ADK: variants seen among roughly 807,000 people sequenced by gnomAD.
ADK encodes the protein N6,N6-dimethyladenosine kinase.
A neutral mutation model predicts 44.7 loss-of-function variants in ADK; 24 were observed. That is an observed-to-expected ratio of 0.54 (90% CI 0.39 to 0.76). The LOEUF (loss-of-function observed/expected upper bound fraction) is 0.76. ADK is among the 30% of genes least tolerant of loss of function. The probability of loss-of-function intolerance (pLI) is 0.00; values close to 1 mark genes in which losing one functional copy is unlikely to be tolerated. For synonymous variants in ADK, 128 were observed against 142.6 expected (o/e 0.90, Z 0.73); for missense variants, 321 against 425.1 (o/e 0.76, Z 2.15).
chr10:74,294,675 A>G (rs1839748758), intron 3 of ADK, among the ~76,000 whole-genome samples: 1 of 152,154 alleles, frequency 6.6e-6, no homozygotes. Context: ...GTTTAGTTAT[A>G]CTGGTAAACT....
intron 6 of ADK, among the ~76,000 whole-genome samples, chr10:74,475,781 A>C (rs1417059926): frequency 6.6e-6 from 1 of 151,290 alleles, no homozygotes; most frequent in Non-Finnish European, 1.5e-5. Flanking sequence ...AGAGAGGGAG[A>C]AAGAGAAAGA....
intron 4 of ADK, among the ~76,000 whole-genome samples, chr10:74,333,322 G>T (rs1206174165): frequency 6.6e-6 from 1 of 152,150 alleles, no homozygotes; most frequent in Non-Finnish European, 1.5e-5. Context: ...TTAGGAGGGG[G>T]TATGTTGTAC....
At chr10:74,181,498 A>C (rs774147591) in intron 1 of ADK, among the ~76,000 whole-genome samples, 13 of 152,200 alleles carry the variant, frequency 8.5e-5, no homozygotes, top group Non-Finnish European at 1.6e-4. Context: ...ATATTTGATA[A>C]ATTGATGCTT....
At chr10:74,355,952 GTGTGTGTGTA>G (rs917215819) in intron 4 of ADK, among the ~76,000 whole-genome samples, 1 of 145,792 alleles carries the variant, frequency 6.9e-6, no homozygotes, top group East Asian at 2.0e-4. Flanking sequence ...GGATACCTCT[GTGTGTGTGTA>G]TGTGTGTGTA....
chr10:74,370,715 A>T (rs1842631328), intron 4 of ADK, among the ~76,000 whole-genome samples: 1 of 151,882 alleles, frequency 6.6e-6, no homozygotes, highest in African/African-American at 2.4e-5. Flanking sequence ...ATATTTGATC[A>T]ATTTTTTATT....
At chr10:74,690,107 A>T (rs1387265590) in intron 10 of ADK, among the ~76,000 whole-genome samples, 2 of 152,232 alleles carry the variant, frequency 1.3e-5, no homozygotes, top group African/African-American at 4.8e-5. Context: ...GTAAGTTCAT[A>T]TTCCACACTT....
intron 9 of ADK, among the ~76,000 whole-genome samples, chr10:74,605,849 TC>T (rs1233521160): frequency 6.6e-6 from 1 of 152,224 alleles, no homozygotes; most frequent in African/African-American, 2.4e-5. Context: ...CTGATAGAAT[TC>T]AGTTGTGAAT....
rs541856065 is a variant in ADK at position 74,512,011 on chromosome 10, G to GA, written c.556-13243dup. 2.0e-5 allele frequency among the ~76,000 whole-genome samples: 3 copies of GA among 152,188 alleles called. No homozygotes were observed. In the East Asian group the frequency reaches 5.8e-4, roughly 29 times the overall value. On this transcript the variant is annotated intron_variant, in intron 6 of 10. Coordinates refer to ENST00000539909, the MANE Select transcript of ADK (RefSeq NM_006721.4). ...TAATTTATTAAGAGTTTTTATGAAG[G>GA]AATATTAAATTTTATCAAAAGCATT... is the stretch of plus-strand genomic sequence containing the variant.
At chr10:74,643,333 T>C (rs2134104843) in intron 9 of ADK, among the ~76,000 whole-genome samples, 1 of 152,338 alleles carries the variant, frequency 6.6e-6, no homozygotes, top group East Asian at 1.9e-4. Flanking sequence ...CTTTTACCCA[T>C]AGGTTCTAGT....
chr10:74,380,809 A>G (rs1220550336), intron 4 of ADK, among the ~76,000 whole-genome samples: 1 of 152,158 alleles, frequency 6.6e-6, no homozygotes, highest in Non-Finnish European at 1.5e-5. Flanking sequence ...CAAAATCTTA[A>G]ATTTCAGAAA....
At chr10:74,398,838 A>T (rs1843614593) in intron 6 of ADK, among the ~76,000 whole-genome samples, 1 of 152,088 alleles carries the variant, frequency 6.6e-6, no homozygotes. Flanking sequence ...AACCAAGCGC[A>T]GAATTCTATA....
intron 6 of ADK, among the ~76,000 whole-genome samples, chr10:74,410,017 G>A (rs558642815): frequency 5.3e-5 from 8 of 152,234 alleles, no homozygotes; most frequent in African/African-American, 1.7e-4. Context: ...AAATGAGGTA[G>A]TGTGATAAAT....
intron 1 of ADK, among the ~76,000 whole-genome samples, chr10:74,169,175 T>C (rs67594352): frequency 0.13 from 19,881 of 148,794 alleles, 1,682 homozygotes; most frequent in East Asian, 0.27. Flanking sequence ...ACCAAGATTG[T>C]GCCAGTACAC....
intron 9 of ADK, among the ~76,000 whole-genome samples, chr10:74,630,071 AT>A (rs1165951974): frequency 1.3e-5 from 2 of 152,084 alleles, no homozygotes; most frequent in Non-Finnish European, 2.9e-5. Flanking sequence ...AAATTTTTTA[AT>A]TTTTTTAACT....
intron 2 of ADK, among the ~76,000 whole-genome samples, chr10:74,203,951 CTTTTTTTTT>C (rs760810639): frequency 1.0e-5 from 1 of 95,830 alleles, no homozygotes; most frequent in Admixed American, 1.2e-4. Context: ...TTATTTAGGT[CTTTTTTTTT>C]TTTTTTTTTT....
chr10:74,344,019 C>A (rs1285398669), intron 4 of ADK, among the ~76,000 whole-genome samples: 1 of 152,186 alleles, frequency 6.6e-6, no homozygotes, highest in Non-Finnish European at 1.5e-5. Context: ...ACCTTGCATT[C>A]CTGAGACAAA....
intron 7 of ADK, among the ~76,000 whole-genome samples, chr10:74,554,238 C>A (rs10824203): frequency 0.23 from 35,468 of 151,874 alleles, 5,047 homozygotes; most frequent in East Asian, 0.63. Context: ...TTTCATATAT[C>A]AAAGAATATG....
chr10:74,266,569 AAAG>A (rs1295721204), intron 3 of ADK, among the ~76,000 whole-genome samples: 1 of 152,084 alleles, frequency 6.6e-6, no homozygotes, highest in Non-Finnish European at 1.5e-5. Context: ...AAAAAGAAAA[AAAG>A]AAGAAAAAAA....
chr10:74,156,088 G>A (rs1841742259), intron 1 of ADK, among the ~76,000 whole-genome samples: 1 of 152,064 alleles, frequency 6.6e-6, no homozygotes, highest in South Asian at 2.1e-4. Context: ...TGCAGCGTGA[G>A]GGTGGTAGAG....
Sources: gnomAD v4.1 joint callset for allele counts (sites outside exome capture counted in the v4.1 genomes callset) on GRCh38, gnomAD v4.1.1 for gene constraint, MANE v1.5 for transcripts, NCBI Gene and HGNC (gene_info 2026-07-23, HGNC 2026-07-21) for gene names.